The following VPS13C variants were observed in gnomAD, a reference collection of about 807,000 sequenced individuals.
VPS13C encodes the protein vacuolar protein sorting 13 homolog C.
A neutral mutation model predicts 456.8 loss-of-function variants in VPS13C; 358 were observed. The ratio of observed to expected loss-of-function variants is 0.78; its 90% confidence interval spans 0.72 to 0.86. The LOEUF is 0.86. Ranked by LOEUF, VPS13C falls within the 40% of genes least tolerant of loss-of-function variation. The pLI is 0.00. For synonymous variants in VPS13C, 1,578 were observed against 1,486.7 expected (o/e 1.06, Z -1.41); for missense variants, 4,818 against 4,385.4 (o/e 1.10, Z -2.79).
intron 18 of VPS13C, among the ~76,000 whole-genome samples, chr15:61,985,488 C>T (rs1233369909): frequency 6.6e-6 from 1 of 152,108 alleles, no homozygotes; most frequent in African/African-American, 2.4e-5. Context: ...AACTCCTGAC[C>T]TCAGGTGATC....
chr15:62,020,314 T>C (rs1009080464), intron 9 of VPS13C, among the ~76,000 whole-genome samples, 165 bp downstream of exon 9: 6 of 152,008 alleles, frequency 3.9e-5, no homozygotes, highest in Admixed American at 2.6e-4. Context: ...AATGTAATAA[T>C]AGCATCACTA....
intron 28 of VPS13C, among the ~76,000 whole-genome samples, chr15:61,968,951 T>C (rs2045464004): frequency 6.6e-6 from 1 of 152,042 alleles, no homozygotes; most frequent in African/African-American, 2.4e-5. Flanking sequence ...ATCAAGGGGA[T>C]TTTTAGAGAC....
At chr15:62,043,615 T>C (rs1171232578) in intron 2 of VPS13C, among the ~76,000 whole-genome samples, 2 of 151,572 alleles carry the variant, frequency 1.3e-5, no homozygotes, top group Non-Finnish European at 2.9e-5. Flanking sequence ...CAAAAAGAAA[T>C]AAAAATAAAA....
chr15:62,058,175 T>C (rs1340873049), intron 1 of VPS13C, among the ~76,000 whole-genome samples: 1 of 152,308 alleles, frequency 6.6e-6, no homozygotes, highest in Non-Finnish European at 1.5e-5. Context: ...CAGCACACCA[T>C]TCACTAGGCC....
intron 3 of VPS13C, among the ~76,000 whole-genome samples, chr15:62,040,350 A>C (rs1190652156): frequency 6.6e-6 from 1 of 152,176 alleles, no homozygotes; most frequent in Non-Finnish European, 1.5e-5. Flanking sequence ...TAAGAGTATT[A>C]ATTACATTAT....
chr15:61,906,986 T>C (rs1002346331), intron 66 of VPS13C: 2 of 334,270 alleles, frequency 6.0e-6, no homozygotes, highest in Non-Finnish European at 1.1e-5. Flanking sequence ...TTACAATTCC[T>C]TCCTTTTAAA....
intron 66 of VPS13C, among the ~76,000 whole-genome samples, chr15:61,898,165 C>G (rs1265974212): frequency 6.6e-6 from 1 of 151,852 alleles, no homozygotes; most frequent in East Asian, 1.9e-4. Context: ...AATGTAAAGA[C>G]CATCGAGACT....
chr15:61,864,821 C>A (rs1894431173), intron 81 of VPS13C: 1 of 983,278 alleles, frequency 1.0e-6, no homozygotes, highest in African/African-American at 1.8e-5. Context: ...GCCTTAATTT[C>A]TTCAAAGAGA....
chr15:61,911,911 G>A lies in VPS13C; in HGVS notation c.8644C>T (p.Leu2882=), dbSNP rs1237198498. Reference sequence around the variant, plus strand: ...TCAGATGCAATCTCGCCAACTTCTAGTTCTAATGATGACTTGTTTGCAATG... The same window carrying A: ...TCAGATGCAATCTCGCCAACTTCTAATTCTAATGATGACTTGTTTGCAATG... ...CTIANKSSLE[L]EVGEIASDGS... The change falls in exon 63 of 85, where the codon CTA becomes TTA. Residue 2882 remains leucine (L), a synonymous_variant. Coordinates refer to ENST00000644861, the MANE Select transcript of VPS13C (RefSeq NM_020821.3). 6.2e-7 allele frequency: 1 copy of A among 1,612,658 alleles called. No individual in the cohort carries two copies. The highest frequency in any genetic ancestry group is 1.3e-5 in the African/African-American group (1 of 74,876).
intron 52 of VPS13C, among the ~76,000 whole-genome samples, chr15:61,926,657 G>A (rs1049406633): frequency 2.0e-5 from 3 of 152,088 alleles, no homozygotes; most frequent in Non-Finnish European, 2.9e-5. Flanking sequence ...CATATGTTTC[G>A]ATAATAATAT....
intron 81 of VPS13C, chr15:61,864,403 G>T: frequency 1.1e-6 from 1 of 889,410 alleles, no homozygotes; most frequent in Non-Finnish European, 1.3e-6. Context: ...TTTTTATAAT[G>T]AATGCTAATG....
At chr15:61,959,342 C>A in intron 36 of VPS13C, 106 bp downstream of exon 36, 1 of 986,632 alleles carries the variant, frequency 1.0e-6, no homozygotes, top group Non-Finnish European at 1.4e-6. Flanking sequence ...TGAAATTTCT[C>A]TTATACTATT....
At chr15:62,025,072 G>A (rs933372903) in intron 6 of VPS13C, among the ~76,000 whole-genome samples, 3 of 152,074 alleles carry the variant, frequency 2.0e-5, no homozygotes, top group Non-Finnish European at 4.4e-5. Context: ...CCATCAGGCA[G>A]GAGACTTCAT....
chr15:61,969,643 T>A (rs1434630233), intron 27 of VPS13C, among the ~76,000 whole-genome samples, 191 bp from the exon 28 acceptor site: 1 of 152,142 alleles, frequency 6.6e-6, no homozygotes, highest in African/African-American at 2.4e-5. Flanking sequence ...TATAAATACA[T>A]TTATAAAAAA....
chr15:62,041,242 AG>A, intron 3 of VPS13C, 81 bp downstream of exon 3: 1 of 1,459,166 alleles, frequency 6.9e-7, no homozygotes, highest in Non-Finnish European at 9.3e-7. Flanking sequence ...TTTTAATCAA[AG>A]ATTTTTTTAG....
At chr15:61,895,538 C>T (rs1162397207) in intron 66 of VPS13C, among the ~76,000 whole-genome samples, 2 of 152,026 alleles carry the variant, frequency 1.3e-5, no homozygotes, top group Admixed American at 1.3e-4. Context: ...CAAGGAAATA[C>T]AAAAGGATCA....
chr15:61,934,816 T>C (rs1250952503), intron 48 of VPS13C, among the ~76,000 whole-genome samples: 2 of 152,158 alleles, frequency 1.3e-5, no homozygotes, highest in Non-Finnish European at 2.9e-5. Context: ...AGTGGCACGA[T>C]CTCAGCTCAC....
In VPS13C at chr15:61,928,031, G is replaced by A. The variant is rs190699660; in HGVS notation, c.6287-711C>T. 2.5e-4 allele frequency among the ~76,000 whole-genome samples: 37 copies of A among 149,712 alleles called. No homozygotes were observed. In the East Asian group the frequency reaches 5.7e-3, roughly 23 times the overall value. Reference sequence around the variant, plus strand: ...CACAGGAAGGGGAACAACACACACCGGGGACCGTTGTGGGGTTGGGGGAGG... The same window carrying A: ...CACAGGAAGGGGAACAACACACACCAGGGACCGTTGTGGGGTTGGGGGAGG... On this transcript the variant is annotated intron_variant, in intron 51 of 84. Coordinates refer to ENST00000644861, the MANE Select transcript of VPS13C (RefSeq NM_020821.3).
chr15:61,927,107 CCT>C lies in VPS13C; in HGVS notation c.6498_6499del (p.Gly2167GlufsTer31). 6.2e-7 allele frequency: 1 copy of C among 1,613,916 alleles called. No individual in the cohort carries two copies. The highest frequency in any genetic ancestry group is 1.1e-5 in the South Asian group (1 of 91,024). On this transcript the variant is annotated frameshift_variant, in exon 52 of 85. Transcript: ENST00000644861. LOFTEE classifies it high-confidence loss of function. ...AATTCTTACTGTGGTAATGTTTTTC[CCT>C]CTCTTTTCTCTGAGAAAAGGGCAAG...
Sources: gnomAD v4.1 joint callset for allele counts (sites outside exome capture counted in the v4.1 genomes callset) on GRCh38, gnomAD v4.1.1 for gene constraint, MANE v1.5 for transcripts, NCBI Gene and HGNC (gene_info 2026-07-23, HGNC 2026-07-21) for gene names.